The following SLMAP variants were observed in gnomAD, a reference collection of about 807,000 sequenced individuals.
SLMAP encodes the protein sarcolemmal membrane-associated protein.
In SLMAP, 44 loss-of-function variants were observed where a neutral mutation model predicts 128.8. The ratio of observed to expected loss-of-function variants is 0.34; its 90% confidence interval spans 0.27 to 0.44. The LOEUF (loss-of-function observed/expected upper bound fraction) is 0.44. Among genes scored for constraint, SLMAP ranks in the 20% least tolerant of loss-of-function variants. The pLI is 1.00. For synonymous variants in SLMAP, 327 were observed against 348.8 expected (o/e 0.94, Z 0.70); for missense variants, 787 against 985.3 (o/e 0.80, Z 2.69).
At position 57,929,157 on chromosome 3, in the gene SLMAP, T is replaced by G. The variant is rs2097047094; in HGVS notation, c.*1868T>G. The G allele has an allele frequency of 6.6e-6, 1 of 152,592 alleles. No individual in the cohort carries two copies. The highest frequency in any genetic ancestry group is 1.5e-5 in the Non-Finnish European group (1 of 68,010). 9.5% of individuals were successfully genotyped at this position (152,592 alleles called of 1,614,324 possible). A position where few individuals can be genotyped will look rare whatever the true frequency, so the allele number is the denominator to read the frequency against. On this transcript the variant is annotated 3_prime_UTR_variant, in exon 25 of 25. Transcript: ENST00000671191. ...ACGTGCATGATTTAATAAAATAACT[T>G]TACTCTCCCTACGCATGTTTGAGTT...
rs1395874018 is a variant in SLMAP, at chr3:57,756,640, A to C, written c.-1012A>C. 1 of 152,194 alleles carries C rather than the reference A, an allele frequency of 6.6e-6. No individual in the cohort carries two copies. Among genetic ancestry groups the C allele is most frequent in the Non-Finnish European group, 1.5e-5 (1 of 68,092 alleles). The allele number at this position is 152,194 out of a possible 1,614,324, so 9.4% of individuals were successfully genotyped here. A position where few individuals can be genotyped will look rare whatever the true frequency, so the allele number is the denominator to read the frequency against. ...TGCGGCGGATCCAGCCCGGGGCCTC[A>C]AGGCCTCTCCCCAACCTCCGGGCCA... On this transcript the variant is annotated 5_prime_UTR_variant, in exon 2 of 25. Transcript: ENST00000671191.
intron 3 of SLMAP, among the ~76,000 whole-genome samples, chr3:57,833,834 G>T (rs2093481852): frequency 6.6e-6 from 1 of 151,572 alleles, no homozygotes; most frequent in Non-Finnish European, 1.5e-5. Flanking sequence ...GTTTCTTTTG[G>T]TACTTACTGG....
intron 5 of SLMAP, among the ~76,000 whole-genome samples, chr3:57,849,311 C>T (rs1448319430): frequency 6.6e-6 from 1 of 152,156 alleles, no homozygotes. Context: ...CTATGACTTA[C>T]AGTGTTTAAA....
chr3:57,845,150 A>G (rs1254756308), intron 4 of SLMAP, among the ~76,000 whole-genome samples: 2 of 152,156 alleles, frequency 1.3e-5, no homozygotes, highest in African/African-American at 4.8e-5. Context: ...TAAAATGCCT[A>G]TTTCAATGTT....
chr3:57,897,004 G>C, intron 17 of SLMAP, 72 bp downstream of exon 17: 1 of 1,589,612 alleles, frequency 6.3e-7, no homozygotes, highest in Non-Finnish European at 8.5e-7. Context: ...ATCTGTTCTA[G>C]ATATTATGTG....
intron 2 of SLMAP, among the ~76,000 whole-genome samples, chr3:57,760,343 A>T (rs186045568): frequency 2.5e-4 from 38 of 152,358 alleles, no homozygotes; most frequent in Admixed American, 3.9e-4. Flanking sequence ...AATAACACGC[A>T]GGCTATGAGA....
intron 2 of SLMAP, among the ~76,000 whole-genome samples, chr3:57,828,411 A>C (rs1399286252): frequency 1.3e-5 from 2 of 152,210 alleles, no homozygotes; most frequent in Admixed American, 1.3e-4. Flanking sequence ...CAAGGGCAAA[A>C]GGTTAAATTA....
intron 14 of SLMAP, among the ~76,000 whole-genome samples, chr3:57,875,007 A>G (rs2095570854): frequency 6.6e-6 from 1 of 152,166 alleles, no homozygotes; most frequent in Admixed American, 6.5e-5. Flanking sequence ...TTTTTGTTGC[A>G]TCATAGTTTT....
At chr3:57,770,139 T>C (rs1322652576) in intron 2 of SLMAP, among the ~76,000 whole-genome samples, 1 of 152,220 alleles carries the variant, frequency 6.6e-6, no homozygotes, top group East Asian at 1.9e-4. Flanking sequence ...TCTTAGTCTT[T>C]AGTATCTGAG....
chr3:57,875,307 T>G (rs562477439), intron 14 of SLMAP, among the ~76,000 whole-genome samples: 1 of 152,254 alleles, frequency 6.6e-6, no homozygotes, highest in East Asian at 1.9e-4. Context: ...GAGGATTGCT[T>G]GAGCCAGGAA....
At chr3:57,801,394 T>G (rs1000777212) in intron 2 of SLMAP, 9 of 152,740 alleles carry the variant, frequency 5.9e-5, no homozygotes, top group African/African-American at 2.2e-4. Flanking sequence ...TAATTTCAAG[T>G]TTGCCTCATT....
At chr3:57,783,242 C>A (rs2083421991) in intron 2 of SLMAP, among the ~76,000 whole-genome samples, 1 of 152,152 alleles carries the variant, frequency 6.6e-6, no homozygotes, top group Non-Finnish European at 1.5e-5. Flanking sequence ...ATCAAAAAAT[C>A]TGAAAACCTT....
chr3:57,913,486 G>A (rs1225222545), intron 21 of SLMAP, among the ~76,000 whole-genome samples: 2 of 150,260 alleles, frequency 1.3e-5, no homozygotes, highest in Admixed American at 1.3e-4. Flanking sequence ...TCCTTTCCTT[G>A]TACTCATGGA....
At chr3:57,906,306 T>TTTCTTTTTC (rs1422181324) in intron 17 of SLMAP, among the ~76,000 whole-genome samples, 2 of 117,054 alleles carry the variant, frequency 1.7e-5, no homozygotes, top group East Asian at 3.4e-4. Context: ...TTTTCTTTTT[T>TTTCTTTTTC]TTTCTTTTTT....
At chr3:57,850,822 A>G (rs1577603430) in intron 6 of SLMAP, among the ~76,000 whole-genome samples, 1 of 152,138 alleles carries the variant, frequency 6.6e-6, no homozygotes, top group Non-Finnish European at 1.5e-5. Flanking sequence ...TTTAGTAGAG[A>G]CAGGGTTTTA....
intron 2 of SLMAP, among the ~76,000 whole-genome samples, chr3:57,796,094 C>T (rs979453577): frequency 7.2e-5 from 11 of 152,080 alleles, no homozygotes; most frequent in Admixed American, 7.2e-4. Context: ...AATTTAAGGC[C>T]ATAAACATGT....
At chr3:57,808,758 A>G (rs547937145) in intron 2 of SLMAP, among the ~76,000 whole-genome samples, 1 of 152,374 alleles carries the variant, frequency 6.6e-6, no homozygotes, top group African/African-American at 2.4e-5. Context: ...AGAGTTCTAT[A>G]GAAGTCTATT....
At chr3:57,764,951 G>C (rs1251655498) in intron 2 of SLMAP, among the ~76,000 whole-genome samples, 1 of 152,178 alleles carries the variant, frequency 6.6e-6, no homozygotes, top group African/African-American at 2.4e-5. Flanking sequence ...TTAGGACTTC[G>C]GCAAAGCGCA....
chr3:57,917,792 C>T (rs570712380), intron 22 of SLMAP: 2 of 152,410 alleles, frequency 1.3e-5, no homozygotes, highest in South Asian at 4.1e-4. Context: ...CCACTCCCTG[C>T]ATTGACTCCT....
Sources: gnomAD v4.1 joint callset for allele counts (sites outside exome capture counted in the v4.1 genomes callset) on GRCh38, gnomAD v4.1.1 for gene constraint, MANE v1.5 for transcripts, NCBI Gene and HGNC (gene_info 2026-07-23, HGNC 2026-07-21) for gene names.